The following MTFR2 variants were observed in gnomAD, a reference collection of about 807,000 sequenced individuals.
MTFR2 encodes mitochondrial fission regulator 2, also known as DUF729 domain-containing protein 1.
A neutral mutation model predicts 41.2 loss-of-function variants in MTFR2; 44 were observed. That is an observed-to-expected ratio of 1.07 (90% CI 0.84 to 1.37). The LOEUF (loss-of-function observed/expected upper bound fraction) is 1.37. Ranked by LOEUF, MTFR2 falls within the 40% of genes most tolerant of loss-of-function variation. The pLI is 0.00. For synonymous variants in MTFR2, 141 were observed against 154.6 expected, an observed-to-expected ratio of 0.91 and a Z score of 0.65; for missense variants, 452 against 459.5, an observed-to-expected ratio of 0.98 and a Z score of 0.15.
rs776312983 is a variant in MTFR2 at position 136,249,027 on chromosome 6, C to A, written c.63+10G>T. On this transcript the variant is annotated intron_variant, in intron 2 of 7. Coordinates refer to ENST00000420702, the MANE Select transcript of MTFR2 (RefSeq NM_001099286.3). ...ACAACAGATCCATTCCAATCCAAAA[C>A]GACATTTACCTGTTCTACAGGAACG... is the stretch of plus-strand genomic sequence containing the variant. The A allele has an allele frequency of 3.1e-6, 5 of 1,596,498 alleles. No homozygotes were observed. Among genetic ancestry groups the A allele is most frequent in the Admixed American group, 1.8e-5 (1 of 55,758 alleles).
intron 6 of MTFR2, among the ~76,000 whole-genome samples, chr6:136,238,678 CCACACACA>C (rs60002962): frequency 6.8e-6 from 1 of 146,368 alleles, no homozygotes; most frequent in African/African-American, 2.5e-5. Context: ...TGTTTTTTCA[CCACACACA>C]CACACACACA....
At chr6:136,242,452 G>A (rs868116845) in intron 4 of MTFR2, among the ~76,000 whole-genome samples, 20 of 152,088 alleles carry the variant, frequency 1.3e-4, no homozygotes, top group African/African-American at 4.3e-4. Context: ...AAAATCAGCC[G>A]GAATACTTAA....
intron 2 of MTFR2, chr6:136,247,374 C>T: frequency 2.8e-6 from 1 of 353,852 alleles, no homozygotes; most frequent in Non-Finnish European, 5.5e-6. Context: ...TCTCTTTTCA[C>T]TCTCTCTCAC....
chr6:136,234,322 A>C (rs1337208072), intron 6 of MTFR2, among the ~76,000 whole-genome samples: 1 of 150,968 alleles, frequency 6.6e-6, no homozygotes, highest in Non-Finnish European at 1.5e-5. Context: ...AAAAAAAAAA[A>C]CTAAATTAAA....
At chr6:136,243,033 G>T (rs1780122163) in intron 3 of MTFR2, 60 bp from the exon 4 acceptor site, 2 of 1,066,862 alleles carry the variant, frequency 1.9e-6, no homozygotes, top group Middle Eastern at 3.1e-4. Context: ...GAAGACACAT[G>T]CCCCATGGTA....
At chr6:136,233,872 A>G (rs181819966) in intron 6 of MTFR2, among the ~76,000 whole-genome samples, 2 of 152,252 alleles carry the variant, frequency 1.3e-5, no homozygotes, top group Non-Finnish European at 2.9e-5. Flanking sequence ...AAATTACGCA[A>G]ATTGTTCATT....
At chr6:136,231,534 CT>C in intron 7 of MTFR2, 146 bp from the exon 8 acceptor site, 1 of 600,344 alleles carries the variant, frequency 1.7e-6, no homozygotes. Flanking sequence ...AGTTATTTGG[CT>C]ATGTATCAGG....
At chr6:136,241,816 C>T (rs1780082248) in intron 4 of MTFR2, 140 bp from the exon 5 acceptor site, 2 of 674,316 alleles carry the variant, frequency 3.0e-6, no homozygotes, top group South Asian at 2.0e-5. Context: ...CAGTGGCTCA[C>T]ACCTGTAATC....
At chr6:136,244,304 A>G (rs1283504346) in intron 3 of MTFR2, among the ~76,000 whole-genome samples, 2 of 152,238 alleles carry the variant, frequency 1.3e-5, no homozygotes, top group African/African-American at 2.4e-5. Context: ...CGGACGTAAC[A>G]TTTTTTATCT....
intron 5 of MTFR2, among the ~76,000 whole-genome samples, chr6:136,240,856 C>CT (rs1780038557): frequency 6.6e-6 from 1 of 152,116 alleles, no homozygotes. Context: ...CTTTGGGAGG[C>CT]CAAGGCGGGC....
chr6:136,240,024 T>A (rs1780014457), intron 5 of MTFR2, among the ~76,000 whole-genome samples: 1 of 152,124 alleles, frequency 6.6e-6, no homozygotes, highest in Non-Finnish European at 1.5e-5. Flanking sequence ...CAGTTAGGAA[T>A]TTTCAGTGTA....
At chr6:136,249,818 C>A (rs1780316940) in intron 1 of MTFR2, among the ~76,000 whole-genome samples, 158 bp downstream of exon 1, 1 of 152,146 alleles carries the variant, frequency 6.6e-6, no homozygotes, top group Non-Finnish European at 1.5e-5. Context: ...ATGCCCATCC[C>A]TCCTCACTCT....
In MTFR2 at chr6:136,242,920, T is replaced by C. The variant is rs1314055255; in HGVS notation, c.222A>G (p.Pro74=). 1.2e-6 allele frequency: 2 copies of C among 1,613,386 alleles called. No homozygotes were observed. Among genetic ancestry groups the C allele is most frequent in the Middle Eastern group, 1.7e-4 (1 of 5,938 alleles). The part of the protein sequence containing the change: ...VDSDNCGSMV[P]SFADILYVAN... ...CCACATACAAAATATCAGCAAAAGA[T>C]GGAACCATAGATCCACAATTATCAG... Residue 74 remains proline, a synonymous_variant, in exon 4 of 8, where the codon CCA becomes CCG. Coordinates refer to ENST00000420702, the MANE Select transcript of MTFR2 (RefSeq NM_001099286.3).
At chr6:136,249,569 T>C (rs1370670115) in intron 1 of MTFR2, among the ~76,000 whole-genome samples, 1 of 152,090 alleles carries the variant, frequency 6.6e-6, no homozygotes, top group Non-Finnish European at 1.5e-5. Context: ...AAATAAACAG[T>C]AGCTCTTCTC....
At chr6:136,236,294 G>A (rs915629342) in intron 6 of MTFR2, among the ~76,000 whole-genome samples, 10 of 152,102 alleles carry the variant, frequency 6.6e-5, no homozygotes, top group African/African-American at 2.4e-4. Context: ...AGAGGAAAGA[G>A]AAGGGAAACC....
chr6:136,232,925 CTG>C (rs1373014204), intron 7 of MTFR2, among the ~76,000 whole-genome samples: 3 of 152,140 alleles, frequency 2.0e-5, no homozygotes, highest in Non-Finnish European at 4.4e-5. Flanking sequence ...TATCCAAAGT[CTG>C]TATATTTGAC....
chr6:136,241,110 T>A (rs115991707), intron 5 of MTFR2, among the ~76,000 whole-genome samples: 2,109 of 150,490 alleles, frequency 0.014, 43 homozygotes, highest in African/African-American at 0.048. Context: ...AAAAAAAAGC[T>A]TACTTAGAAG....
chr6:136,233,162 T>C (rs1779810577), intron 7 of MTFR2, 163 bp downstream of exon 7: 1 of 513,422 alleles, frequency 1.9e-6, no homozygotes, highest in South Asian at 4.0e-5. Flanking sequence ...AATGAGCATA[T>C]AAAATTAACA....
chr6:136,240,914 AC>A (rs539905244), intron 5 of MTFR2, among the ~76,000 whole-genome samples: 6 of 152,006 alleles, frequency 3.9e-5, no homozygotes, highest in South Asian at 2.1e-4. Context: ...ACACGGTGAA[AC>A]CCCGTCTCTA....
Sources: gnomAD v4.1 joint callset for allele counts (sites outside exome capture counted in the v4.1 genomes callset) on GRCh38, gnomAD v4.1.1 for gene constraint, MANE v1.5 for transcripts, NCBI Gene and HGNC (gene_info 2026-07-23, HGNC 2026-07-21) for gene names.